The following DSCAM variants were observed in gnomAD, a reference collection of about 807,000 sequenced individuals.
DSCAM encodes the protein cell adhesion molecule DSCAM.
A neutral mutation model predicts 217.7 loss-of-function variants in DSCAM; 47 were observed. The observed-to-expected ratio is 0.22, with a 90% CI of 0.17 to 0.28. DSCAM has a LOEUF of 0.28. DSCAM is among the 10% of genes least tolerant of loss of function. The pLI, the probability that DSCAM is intolerant of heterozygous loss-of-function variation, is 1.00. For missense variants in DSCAM, 2,080 were observed against 2,618.3 expected (o/e 0.79, Z 4.49); for synonymous variants, 1,056 against 1,015.3 (o/e 1.04, Z -0.76).
rs372627305 is a variant in DSCAM, at chr21:40,655,164, G to T, written c.508+37646C>A. On this transcript the variant is annotated intron_variant, in intron 3 of 32. Transcript: ENST00000400454. ...ATCTTGACAGCAACTAGACATATTAGGATTCTGACTCTCTTCTCTACCCTG... is the reference window on the plus strand; with the variant it reads ...ATCTTGACAGCAACTAGACATATTATGATTCTGACTCTCTTCTCTACCCTG... Among the ~76,000 whole-genome samples, 3 of 152,056 alleles carry T rather than the reference G, an allele frequency of 2.0e-5. No individual in the cohort carries two copies. In the East Asian group the frequency reaches 5.8e-4, roughly 29 times the overall value.
chr21:40,447,268 C>T (rs1161000230), intron 3 of DSCAM, among the ~76,000 whole-genome samples: 1 of 152,204 alleles, frequency 6.6e-6, no homozygotes, highest in Non-Finnish European at 1.5e-5. Context: ...GCTGCATTAC[C>T]ATCACAAAAC....
intron 3 of DSCAM, among the ~76,000 whole-genome samples, chr21:40,480,213 C>G (rs2075970454): frequency 6.6e-6 from 1 of 152,168 alleles, no homozygotes; most frequent in Non-Finnish European, 1.5e-5. Flanking sequence ...CTGACTTAGG[C>G]TCCTTTTAGA....
chr21:40,365,684 G>A (rs2074824422), intron 4 of DSCAM, among the ~76,000 whole-genome samples: 1 of 152,082 alleles, frequency 6.6e-6, no homozygotes, highest in South Asian at 2.1e-4. Context: ...CGGAGTTTCA[G>A]CAATCTCCTC....
intron 1 of DSCAM, among the ~76,000 whole-genome samples, chr21:40,779,032 GAAAAA>G (rs772208075): frequency 8.8e-5 from 4 of 45,536 alleles, no homozygotes; most frequent in African/African-American, 1.7e-4. Context: ...CTCAAAAACA[GAAAAA>G]AAAAAAAAAA....
At chr21:40,281,273 A>G (rs2073756294) in intron 10 of DSCAM, among the ~76,000 whole-genome samples, 1 of 152,216 alleles carries the variant, frequency 6.6e-6, no homozygotes, top group Non-Finnish European at 1.5e-5. Flanking sequence ...TGGTAGAAGC[A>G]CTGAAGTTCT....
chr21:40,086,863 C>T (rs1186962092), intron 22 of DSCAM, among the ~76,000 whole-genome samples: 1 of 152,174 alleles, frequency 6.6e-6, no homozygotes, highest in Non-Finnish European at 1.5e-5. Flanking sequence ...GTTACATGGA[C>T]AATTTACCTG....
chr21:40,331,983 C>T (rs945799487), intron 8 of DSCAM, among the ~76,000 whole-genome samples: 17 of 152,108 alleles, frequency 1.1e-4, no homozygotes, highest in Non-Finnish European at 1.9e-4. Flanking sequence ...AGACCAACCC[C>T]GCCATCCAAA....
intron 3 of DSCAM, among the ~76,000 whole-genome samples, chr21:40,379,081 C>G (rs1246572592): frequency 6.6e-6 from 1 of 152,092 alleles, no homozygotes. Flanking sequence ...GTACCAAAGG[C>G]AGTGGTATAT....
At chr21:40,064,710 C>T (rs556392039) in intron 27 of DSCAM, among the ~76,000 whole-genome samples, 23 of 152,170 alleles carry the variant, frequency 1.5e-4, no homozygotes, top group Non-Finnish European at 2.1e-4. Context: ...TCACATGCAT[C>T]GGAATTATGA....
chr21:40,653,823 G>A (rs544247923), intron 3 of DSCAM, among the ~76,000 whole-genome samples: 8 of 152,216 alleles, frequency 5.3e-5, no homozygotes, highest in South Asian at 2.1e-4. Flanking sequence ...CTGGCCAGGC[G>A]CAGTGGCTCA....
At position 40,312,241 on chromosome 21, in the gene DSCAM, G is replaced by C. The variant is rs776571611; in HGVS notation, c.1902C>G (p.Gly634=). The C allele has an allele frequency of 6.2e-7, 1 of 1,614,120 alleles. No individual in the cohort carries two copies. Among genetic ancestry groups the C allele is most frequent in the Non-Finnish European group, 8.5e-7 (1 of 1,180,018 alleles). The change falls in exon 9 of 33, where the codon GGC becomes GGG. Residue 634 remains glycine, a synonymous_variant. Transcript: ENST00000400454. Reference sequence around the variant, plus strand: ...CCCCAAGGCTCCCAGGGATTGGCCGGCCATCCTTCTGCCAGGTGATCGTGA... The same window carrying C: ...CCCCAAGGCTCCCAGGGATTGGCCGCCCATCCTTCTGCCAGGTGATCGTGA... ...LPITITWQKD[G]RPIPGSLGVT...
chr21:40,200,725 C>A (rs2091061042), intron 11 of DSCAM, among the ~76,000 whole-genome samples: 1 of 152,186 alleles, frequency 6.6e-6, no homozygotes. Context: ...GTGGTCTCTG[C>A]CTCTCAGTTT....
intron 3 of DSCAM, among the ~76,000 whole-genome samples, chr21:40,545,745 G>A (rs573481551): frequency 2.6e-5 from 4 of 152,302 alleles, no homozygotes; most frequent in Admixed American, 1.3e-4. Flanking sequence ...CTATGGCTCC[G>A]AGCACCAGCC....
chr21:40,267,647 A>AT (rs2073557435), intron 11 of DSCAM, among the ~76,000 whole-genome samples: 1 of 152,210 alleles, frequency 6.6e-6, no homozygotes, highest in East Asian at 1.9e-4. Flanking sequence ...CTGTAATCCC[A>AT]ACATTTTGGG....
chr21:40,630,778 A>G (rs987032375), intron 3 of DSCAM: 1 of 152,260 alleles, frequency 6.6e-6, no homozygotes, highest in African/African-American at 2.4e-5. Flanking sequence ...CTGGACACAA[A>G]CAAAAACGCT....
intron 16 of DSCAM, among the ~76,000 whole-genome samples, chr21:40,148,483 T>G (rs1020917870): frequency 6.6e-6 from 1 of 152,090 alleles, no homozygotes; most frequent in Non-Finnish European, 1.5e-5. Context: ...ATCATACACT[T>G]AAAATAGGGA....
chr21:40,129,386 A>G (rs1222628460), intron 19 of DSCAM, among the ~76,000 whole-genome samples: 1 of 152,196 alleles, frequency 6.6e-6, no homozygotes, highest in Non-Finnish European at 1.5e-5. Flanking sequence ...CATTCTTTAA[A>G]TGTTTGACTG....
intron 3 of DSCAM, among the ~76,000 whole-genome samples, chr21:40,677,785 G>T (rs1034190294): frequency 6.6e-6 from 1 of 152,166 alleles, no homozygotes; most frequent in African/African-American, 2.4e-5. Context: ...CGCCTCTTCT[G>T]CCATGTGAGA....
At chr21:40,028,384 G>T (rs1296667527) in intron 32 of DSCAM, among the ~76,000 whole-genome samples, 1 of 146,102 alleles carries the variant, frequency 6.8e-6, no homozygotes, top group South Asian at 2.2e-4. Flanking sequence ...CACCCAGTTC[G>T]AGCTTCCAGG....
Sources: allele counts gnomAD v4.1 joint callset (sites outside exome capture counted in the v4.1 genomes callset), GRCh38; gene constraint gnomAD v4.1.1; transcripts MANE v1.5; gene names NCBI Gene and HGNC (gene_info 2026-07-23, HGNC 2026-07-21).